Variants in NUP58 observed in about 807,000 individuals in gnomAD.
NUP58 encodes nucleoporin 58.
A neutral mutation model predicts 70.1 loss-of-function variants in NUP58; 17 were observed. That is an observed-to-expected ratio of 0.24 (90% CI 0.17 to 0.36). The LOEUF is 0.36. NUP58 is among the 10% of genes least tolerant of loss of function. NUP58 has a pLI of 1.00. For synonymous variants in NUP58, 275 were observed against 257.6 expected, an observed-to-expected ratio of 1.07 and a Z score of -0.65; for missense variants, 644 against 701.5, an observed-to-expected ratio of 0.92 and a Z score of 0.93.
Position 25,301,819 on chromosome 13 carries a change from A to T in NUP58, c.46A>T (p.Thr16Ser). The T allele has an allele frequency of 6.2e-7, 1 of 1,613,500 alleles. No individual in the cohort carries two copies. The highest frequency in any genetic ancestry group is 8.5e-7 in the Non-Finnish European group (1 of 1,179,812). ...CGGGTCCGGGACTCTGGGCTCCACC[A>T]CCGTGGCCGCCGGCGGGACCAGCAC... is the stretch of plus-strand genomic sequence containing the variant. Reference protein sequence around the residue: ...SFGSGTLGSTTVAAGGTSTGG... With the variant: ...SFGSGTLGSTSVAAGGTSTGG... The change falls in exon 1 of 16, where the codon ACC becomes TCC. Residue 16 changes from threonine to serine, a missense_variant. Thr to Ser is a moderately conservative substitution (Grantham distance 58). This residue lies in a region of NUP58 where 430 missense variants were observed against 409.2 expected (regional missense o/e 1.05). Transcript: ENST00000381736.
chr13:25,331,883 CTG>C (rs1246273005), intron 13 of NUP58: 3 of 1,120,652 alleles, frequency 2.7e-6, no homozygotes, highest in South Asian at 2.5e-5. Context: ...GAAATCATGA[CTG>C]TACCATTTAT....
downstream of NUP58, among the ~76,000 whole-genome samples, chr13:25,344,285 C>T (rs757303098): frequency 3.9e-4 from 60 of 152,200 alleles, no homozygotes; most frequent in Middle Eastern, 0.01. Flanking sequence ...CCCGCCTTGA[C>T]CATGTGTGAT....
Position 25,307,857 on chromosome 13 carries a change from A to G in NUP58, c.159A>G (p.Pro53=), listed in dbSNP as rs759815875. The G allele has an allele frequency of 1.9e-5, 31 of 1,614,060 alleles. No individual in the cohort carries two copies. The highest frequency in any genetic ancestry group is 2.6e-5 in the Non-Finnish European group (31 of 1,180,034). ...GAAATCTTGGAAGTACTTCAACTCC[A>G]GCAACTACATCTGCTCCTTCAAGTG... ...NFGNLGSTST[P]ATTSAPSSGF... Residue 53 remains proline (P), a synonymous_variant, in exon 2 of 16, where the codon CCA becomes CCG. Coordinates refer to ENST00000381736, the MANE Select transcript of NUP58 (RefSeq NM_014089.4).
intron 9 of NUP58, among the ~76,000 whole-genome samples, chr13:25,324,159 G>A (rs2031299730): frequency 6.6e-6 from 1 of 152,146 alleles, no homozygotes; most frequent in Admixed American, 6.6e-5. Context: ...TACTGGAGTG[G>A]GGTGGGATGG....
At chr13:25,309,309 G>C in intron 3 of NUP58, 27 bp downstream of exon 3, 1 of 1,547,910 alleles carries the variant, frequency 6.5e-7, no homozygotes, top group Non-Finnish European at 8.9e-7. Flanking sequence ...AAAGATCCCA[G>C]CTCTGTGGTC....
At chr13:25,329,282 C>G (rs1029100690) in intron 12 of NUP58, among the ~76,000 whole-genome samples, 1 of 151,992 alleles carries the variant, frequency 6.6e-6, no homozygotes, top group African/African-American at 2.4e-5. Flanking sequence ...TTATCAAAAC[C>G]CTGCTGAACT....
intron 5 of NUP58, 65 bp downstream of exon 5, chr13:25,313,816 T>G: frequency 7.5e-7 from 1 of 1,333,110 alleles, no homozygotes; most frequent in Non-Finnish European, 9.9e-7. Flanking sequence ...TATTTTTATT[T>G]TAGTACTTTG....
chr13:25,310,461 C>T (rs2030606709), intron 3 of NUP58, among the ~76,000 whole-genome samples: 1 of 151,218 alleles, frequency 6.6e-6, no homozygotes. Context: ...CTCAGGTGAT[C>T]CACCCGCCTT....
rs1235879445 is a variant in NUP58 at position 25,304,463 on chromosome 13, GT to G, written c.107+2585del. Among the ~76,000 whole-genome samples the G allele has an allele frequency of 3.4e-5, 4 of 117,970 alleles. No individual in the cohort carries two copies. In the East Asian group the frequency reaches 7.8e-4, roughly 23 times the overall value. The allele number at this position is 117,970 out of a possible 152,430, so 77.4% of individuals were successfully genotyped here. ...TATGTAATACTTCATAATGTCTTCAGTTATGTTGTCAAGATTATATATATAT... is the reference window on the plus strand; with the variant it reads ...TATGTAATACTTCATAATGTCTTCAGTATGTTGTCAAGATTATATATATAT... On this transcript the variant is annotated intron_variant, in intron 1 of 15. Transcript: ENST00000381736.
intron 3 of NUP58, among the ~76,000 whole-genome samples, chr13:25,348,514 A>G (rs938241438): frequency 2.6e-5 from 4 of 152,128 alleles, no homozygotes; most frequent in African/African-American, 9.7e-5. Flanking sequence ...TGGGATAAGT[A>G]ATCTTTCCAC....
intron 3 of NUP58, among the ~76,000 whole-genome samples, chr13:25,347,482 G>A (rs1052679922): frequency 6.6e-6 from 1 of 152,188 alleles, no homozygotes; most frequent in Non-Finnish European, 1.5e-5. Flanking sequence ...TCCACAGGCT[G>A]CTGGGCCTCG....
chr13:25,333,148 TTCTTATC>T, intron 13 of NUP58: 1 of 985,190 alleles, frequency 1.0e-6, no homozygotes, highest in Non-Finnish European at 1.2e-6. Flanking sequence ...GTGTTTAACT[TTCTTATC>T]TATAGATTAT....
At chr13:25,331,953 T>C (rs2031623257) in intron 13 of NUP58, 3 of 1,051,374 alleles carry the variant, frequency 2.9e-6, no homozygotes, top group Non-Finnish European at 3.5e-6. Context: ...ATGATACTGA[T>C]AGGTGGTGCA....
intron 13 of NUP58, chr13:25,333,469 A>G (rs1455780327): frequency 5.1e-6 from 5 of 985,436 alleles, no homozygotes; most frequent in Middle Eastern, 5.2e-4. Flanking sequence ...CTTTCTCATC[A>G]GATGGCAGAA....
chr13:25,346,304 A>G (rs114754236), downstream of NUP58, among the ~76,000 whole-genome samples: 1,065 of 152,306 alleles, frequency 7.0e-3, 14 homozygotes, highest in African/African-American at 0.025. Flanking sequence ...TTGTTAAATA[A>G]TATCACCACT....
Position 25,327,529 on chromosome 13 carries a change from C to T in NUP58, c.1233+17C>T. 5.9e-6 allele frequency: 9 copies of T among 1,533,472 alleles called. No individual in the cohort carries two copies. The highest frequency in any genetic ancestry group is 1.2e-5 in the South Asian group (1 of 86,634). 95.0% of individuals were successfully genotyped at this position (1,533,472 alleles called of 1,614,324 possible). ...AATGTAAAGGTAAGTTTTCATTACC[C>T]ATTTATCTACCTGGATATGTAGACC... On this transcript the variant is annotated intron_variant, in intron 12 of 15. Transcript: ENST00000381736.
Position 25,310,102 on chromosome 13 carries a change from G to A in NUP58, c.286+820G>A, listed in dbSNP as rs571030042. The A allele has an allele frequency of 1.2e-3, 347 of 287,190 alleles. 6 individuals carry two copies. Among genetic ancestry groups the A allele is most frequent in the South Asian group, 8.2e-3 (283 of 34,410 alleles). 17.8% of individuals were successfully genotyped at this position (287,190 alleles called of 1,614,324 possible). On this transcript the variant is annotated intron_variant, in intron 3 of 15. Coordinates refer to ENST00000381736, the MANE Select transcript of NUP58 (RefSeq NM_014089.4). ...CTGTTGCCCAGGCTGGAGTGCAGTG[G>A]CACCATCACAGCTCACTGCAACCTC...
At chr13:25,312,105 A>G (rs770166025) in intron 3 of NUP58, among the ~76,000 whole-genome samples, 28 of 152,164 alleles carry the variant, frequency 1.8e-4, no homozygotes, top group Non-Finnish European at 4.1e-4. Context: ...GTAGGAATGG[A>G]ACTCTAGGAA....
At chr13:25,335,198 G>C (rs1381667152) in intron 13 of NUP58, 1 of 985,048 alleles carries the variant, frequency 1.0e-6, no homozygotes, top group African/African-American at 1.7e-5. Context: ...ATGTGCAATG[G>C]AAAGTCTTGT....
Sources: allele counts gnomAD v4.1 joint callset (sites outside exome capture counted in the v4.1 genomes callset), GRCh38; gene constraint gnomAD v4.1.1; regional missense constraint gnomAD v4.1.1; transcripts MANE v1.5; gene names NCBI Gene and HGNC (gene_info 2026-07-23, HGNC 2026-07-21).